SMYD3: variants seen among roughly 807,000 people sequenced by gnomAD.
SMYD3 encodes histone-lysine N-methyltransferase SMYD3.
In SMYD3, 36 loss-of-function variants were observed where a neutral mutation model predicts 57.7. The ratio of observed to expected loss-of-function variants is 0.62; its 90% CI spans 0.48 to 0.82. The LOEUF (loss-of-function observed/expected upper bound fraction) is 0.82, where lower values mean the gene tolerates loss of function less well. SMYD3 is among the 40% of genes least tolerant of loss of function. The pLI is 0.00. For missense variants in SMYD3, 515 were observed against 538.8 expected, an observed-to-expected ratio of 0.96 and a Z score of 0.44; for synonymous variants, 211 against 195.0, an observed-to-expected ratio of 1.08 and a Z score of -0.68.
chr1:246,507,080 G>A lies in SMYD3; in HGVS notation c.138C>T (p.Gly46=). The A allele has an allele frequency of 6.7e-7, 1 of 1,482,844 alleles. No individual in the cohort carries two copies. Among genetic ancestry groups the A allele is most frequent in the Non-Finnish European group, 9.0e-7 (1 of 1,113,234 alleles). The allele number at this position is 1,482,844 out of a possible 1,614,324, so 91.9% of individuals were successfully genotyped here. A position where few individuals can be genotyped will look rare whatever the true frequency, so the allele number is the denominator to read the frequency against. Residue 46 remains glycine (G), a synonymous_variant, in exon 1 of 12, where the codon GGC becomes GGT. Coordinates refer to ENST00000490107, the MANE Select transcript of SMYD3 (RefSeq NM_001167740.2). ...CGAGAAGGCAGCGGTCGCAGACGAC[G>A]CCACGACTCCCCTTGCACACCGTGT... ...LAYTVCKGSR[G]VVCDRCLLGK...
chr1:246,114,749 G>A (rs758167338), intron 5 of SMYD3, among the ~76,000 whole-genome samples: 3 of 152,148 alleles, frequency 2.0e-5, no homozygotes, highest in East Asian at 1.9e-4. Context: ...TTGTGCCTCC[G>A]TTTCCCGAGG....
intron 5 of SMYD3, among the ~76,000 whole-genome samples, chr1:246,002,345 C>T (rs71638303): frequency 0.011 from 601 of 56,316 alleles, 109 homozygotes; most frequent in Middle Eastern, 0.07. Flanking sequence ...CCACCACGCC[C>T]GGCTAATTTT....
chr1:245,994,379 G>A (rs377271323), intron 5 of SMYD3, among the ~76,000 whole-genome samples: 8 of 152,314 alleles, frequency 5.3e-5, no homozygotes, highest in South Asian at 4.1e-4. Context: ...TGAGAGGGAC[G>A]CGGGGCTTTA....
intron 5 of SMYD3, among the ~76,000 whole-genome samples, chr1:246,151,735 A>C (rs1001484230): frequency 1.3e-5 from 2 of 152,220 alleles, no homozygotes; most frequent in African/African-American, 4.8e-5. Context: ...CCCCAGAAGT[A>C]GATTCAATAC....
chr1:245,757,495 C>T (rs1295150679), intron 11 of SMYD3, among the ~76,000 whole-genome samples: 1 of 152,098 alleles, frequency 6.6e-6, no homozygotes, highest in Admixed American at 6.6e-5. Flanking sequence ...AAGAAATCAT[C>T]ACTATGCCCA....
intron 5 of SMYD3, among the ~76,000 whole-genome samples, chr1:246,277,005 G>A (rs1427000294): frequency 6.6e-6 from 1 of 152,208 alleles, no homozygotes; most frequent in South Asian, 2.1e-4. Flanking sequence ...GCAAAATGGG[G>A]GTAATGAAAG....
At chr1:245,920,392 G>A (rs576215835) in intron 7 of SMYD3, among the ~76,000 whole-genome samples, 50 of 151,246 alleles carry the variant, frequency 3.3e-4, no homozygotes, top group African/African-American at 1.2e-3. Flanking sequence ...CGTGATCACA[G>A]TTATGAATGT....
At chr1:246,070,588 A>C (rs778131338) in intron 5 of SMYD3, among the ~76,000 whole-genome samples, 1 of 152,174 alleles carries the variant, frequency 6.6e-6, no homozygotes, top group Non-Finnish European at 1.5e-5. Flanking sequence ...CCCCAAGAGG[A>C]GTCCTCCTCA....
At chr1:246,298,133 T>C (rs1461062179) in intron 5 of SMYD3, among the ~76,000 whole-genome samples, 1 of 151,682 alleles carries the variant, frequency 6.6e-6, no homozygotes, top group Non-Finnish European at 1.5e-5. Context: ...AACCTGCAGG[T>C]TCACAGACAG....
At position 245,951,197 on chromosome 1, in the gene SMYD3, C is replaced by T. The variant is rs533706956; in HGVS notation, c.532-21260G>A. ...TAATTTAAAATACCAGCGGAGTCCACGGCAGCCGACAGCCTGTTACCTTCC... is the reference window on the plus strand; with the variant it reads ...TAATTTAAAATACCAGCGGAGTCCATGGCAGCCGACAGCCTGTTACCTTCC... On this transcript the variant is annotated intron_variant, in intron 5 of 11. Transcript: ENST00000490107. 1.2e-4 allele frequency among the ~76,000 whole-genome samples: 18 copies of T among 152,084 alleles called. 1 individual carries two copies. Among genetic ancestry groups the T allele is most frequent in the Admixed American group, 4.6e-4 (7 of 15,290 alleles).
At chr1:246,183,612 G>C (rs1432265771) in intron 5 of SMYD3, among the ~76,000 whole-genome samples, 2 of 152,074 alleles carry the variant, frequency 1.3e-5, no homozygotes, top group African/African-American at 4.8e-5. Flanking sequence ...ATTATTTCAT[G>C]TGTGGTCCTG....
At chr1:246,090,737 C>G (rs1404609224) in intron 5 of SMYD3, among the ~76,000 whole-genome samples, 2 of 151,972 alleles carry the variant, frequency 1.3e-5, no homozygotes, top group Admixed American at 6.6e-5. Flanking sequence ...AGGCTGGTCT[C>G]GAACTCCTGA....
intron 5 of SMYD3, among the ~76,000 whole-genome samples, chr1:246,092,222 A>G (rs1558220813): frequency 6.6e-6 from 1 of 152,162 alleles, no homozygotes. Context: ...TTTTTTCCAA[A>G]GAAGTGAGGA....
chr1:246,506,221 T>C (rs1245715323), intron 1 of SMYD3, among the ~76,000 whole-genome samples: 1 of 152,248 alleles, frequency 6.6e-6, no homozygotes, highest in Admixed American at 6.5e-5. Flanking sequence ...ATTTGTTGAC[T>C]GAATGCAGTT....
intron 8 of SMYD3, among the ~76,000 whole-genome samples, chr1:245,912,882 G>A (rs1456606482): frequency 6.6e-6 from 1 of 152,182 alleles, no homozygotes; most frequent in Non-Finnish European, 1.5e-5. Context: ...TGTGAGCCTG[G>A]AAACTATAAT....
At chr1:246,075,815 T>C (rs1456360313) in intron 5 of SMYD3, among the ~76,000 whole-genome samples, 2 of 152,070 alleles carry the variant, frequency 1.3e-5, no homozygotes, top group African/African-American at 2.4e-5. Context: ...ATATGACATC[T>C]GTAAGACTGA....
chr1:246,313,648 CT>C (rs1227655259), intron 5 of SMYD3, among the ~76,000 whole-genome samples: 3 of 152,120 alleles, frequency 2.0e-5, no homozygotes, highest in African/African-American at 7.2e-5. Context: ...AGCTCTAATG[CT>C]TTTCTTTTAC....
chr1:245,800,237 C>A (rs2047789005), intron 10 of SMYD3, among the ~76,000 whole-genome samples: 1 of 152,174 alleles, frequency 6.6e-6, no homozygotes, highest in African/African-American at 2.4e-5. Context: ...ACTCTCACAA[C>A]TGGGCTCCCT....
intron 1 of SMYD3, among the ~76,000 whole-genome samples, chr1:246,491,446 A>T (rs2068269170): frequency 6.6e-6 from 1 of 152,084 alleles, no homozygotes. Flanking sequence ...AGGCTGAAGC[A>T]GGAGAATCGC....
Sources: allele counts gnomAD v4.1 joint callset (sites outside exome capture counted in the v4.1 genomes callset), GRCh38; gene constraint gnomAD v4.1.1; transcripts MANE v1.5; gene names NCBI Gene and HGNC (gene_info 2026-07-23, HGNC 2026-07-21).